The following KCNIP4 variants were observed in gnomAD, a reference collection of about 807,000 sequenced individuals.
KCNIP4 encodes potassium voltage-gated channel interacting protein 4.
KCNIP4 carries 12 observed loss-of-function variants against 34.0 expected under a neutral mutation model. The ratio of observed to expected loss-of-function variants is 0.35; its 90% CI spans 0.23 to 0.57. The LOEUF is 0.57. Ranked by LOEUF, KCNIP4 falls within the 20% of genes least tolerant of loss-of-function variation. The probability of loss-of-function intolerance (pLI) is 0.83; values close to 1 mark genes in which losing one functional copy is unlikely to be tolerated. For missense variants in KCNIP4, 238 were observed against 311.7 expected, an observed-to-expected ratio of 0.76 and a Z score of 1.78; for synonymous variants, 124 against 102.2, an observed-to-expected ratio of 1.21 and a Z score of -1.29.
intron 1 of KCNIP4, among the ~76,000 whole-genome samples, chr4:21,110,595 T>C (rs111685745): frequency 3.0e-4 from 45 of 152,358 alleles, no homozygotes; most frequent in African/African-American, 1.0e-3. Context: ...GGAATGTTTG[T>C]ATTCCTCCAA....
At chr4:21,352,843 T>A (rs1718159069) in intron 1 of KCNIP4, among the ~76,000 whole-genome samples, 1 of 152,188 alleles carries the variant, frequency 6.6e-6, no homozygotes, top group Non-Finnish European at 1.5e-5. Flanking sequence ...GATCCCAGTG[T>A]ACCCAAACTG....
At chr4:21,490,854 G>T (rs764874059) in intron 1 of KCNIP4, among the ~76,000 whole-genome samples, 3 of 152,210 alleles carry the variant, frequency 2.0e-5, no homozygotes, top group Middle Eastern at 3.4e-3. Flanking sequence ...ATGTTAGTGT[G>T]TGTCTGAGTG....
At chr4:21,357,464 A>G (rs1425758091) in intron 1 of KCNIP4, among the ~76,000 whole-genome samples, 1 of 152,204 alleles carries the variant, frequency 6.6e-6, no homozygotes, top group African/African-American at 2.4e-5. Flanking sequence ...ACTTAAACAA[A>G]TTTACAAGAA....
intron 2 of KCNIP4, among the ~76,000 whole-genome samples, chr4:20,865,881 A>G (rs1722828321): frequency 6.6e-6 from 1 of 152,098 alleles, no homozygotes; most frequent in South Asian, 2.1e-4. Flanking sequence ...TGAGATAATG[A>G]ACATGTTAAT....
At position 21,254,607 on chromosome 4, in the gene KCNIP4, C is replaced by T. The variant is rs116097454; in HGVS notation, c.62-371898G>A. ...ACTTTGGACTTTGCCTTACTCTTCC[C>T]TATTTATCATTTTTTGAGCTTTATT... On this transcript the variant is annotated intron_variant, in intron 1 of 8. Coordinates refer to ENST00000382152, the MANE Select transcript of KCNIP4 (RefSeq NM_025221.6). Among the ~76,000 whole-genome samples, 956 of 152,224 alleles carry T rather than the reference C, an allele frequency of 6.3e-3. 8 individuals carry two copies. Among genetic ancestry groups the T allele is most frequent in the Middle Eastern group, 0.031 (9 of 294 alleles).
intron 1 of KCNIP4, among the ~76,000 whole-genome samples, chr4:21,936,129 T>C (rs938065261): frequency 2.0e-5 from 3 of 151,984 alleles, no homozygotes; most frequent in African/African-American, 7.2e-5. Context: ...GATTGAGAGA[T>C]GACAGGGATT....
At chr4:20,915,972 A>G (rs933718107) in intron 1 of KCNIP4, among the ~76,000 whole-genome samples, 1 of 151,514 alleles carries the variant, frequency 6.6e-6, no homozygotes, top group Non-Finnish European at 1.5e-5. Context: ...GCATTCTTAC[A>G]CTCTCCCATT....
intron 1 of KCNIP4, among the ~76,000 whole-genome samples, chr4:21,556,310 A>G (rs896702192): frequency 8.5e-5 from 13 of 152,286 alleles, no homozygotes; most frequent in African/African-American, 2.6e-4. Context: ...TACATGATTC[A>G]GTTAACACTA....
At chr4:21,687,679 G>A (rs1182372415) in intron 1 of KCNIP4, among the ~76,000 whole-genome samples, 1 of 152,136 alleles carries the variant, frequency 6.6e-6, no homozygotes, top group Non-Finnish European at 1.5e-5. Flanking sequence ...TTTTCCTGCT[G>A]TGATGATTAA....
At chr4:21,259,037 T>G (rs1577977248) in intron 1 of KCNIP4, among the ~76,000 whole-genome samples, 1 of 152,332 alleles carries the variant, frequency 6.6e-6, no homozygotes, top group East Asian at 1.9e-4. Context: ...CTATTTTTCG[T>G]ATTTCACAGA....
At chr4:21,358,376 C>T (rs1300853339) in intron 1 of KCNIP4, among the ~76,000 whole-genome samples, 1 of 152,062 alleles carries the variant, frequency 6.6e-6, no homozygotes, top group African/African-American at 2.4e-5. Flanking sequence ...GTCTCTGACA[C>T]TTGTTAAGCA....
chr4:21,673,670 C>T (rs1317915563), intron 1 of KCNIP4, among the ~76,000 whole-genome samples: 5 of 152,040 alleles, frequency 3.3e-5, no homozygotes, highest in Non-Finnish European at 7.4e-5. Context: ...TGTAAAGATG[C>T]AATTATAACT....
intron 1 of KCNIP4, among the ~76,000 whole-genome samples, chr4:21,690,364 T>G (rs569853608): frequency 6.6e-6 from 1 of 152,184 alleles, no homozygotes; most frequent in East Asian, 1.9e-4. Context: ...AAATCTCATG[T>G]TGAAATGTGA....
intron 1 of KCNIP4, chr4:20,984,135 T>C: frequency 2.9e-6 from 2 of 691,114 alleles, no homozygotes; most frequent in South Asian, 4.1e-5. Flanking sequence ...ATCCTGGCAT[T>C]TGGCTGGCGG....
chr4:20,999,445 T>G (rs552386823), intron 1 of KCNIP4, among the ~76,000 whole-genome samples: 1,736 of 119,458 alleles, frequency 0.015, 37 homozygotes, highest in African/African-American at 0.051. Context: ...TTTGTTTTTT[T>G]TTTTTTTTTT....
chr4:21,652,110 T>A (rs1439696890), intron 1 of KCNIP4, among the ~76,000 whole-genome samples: 1 of 152,188 alleles, frequency 6.6e-6, no homozygotes, highest in South Asian at 2.1e-4. Context: ...CCATCTAATC[T>A]TCTGGATGGT....
intron 1 of KCNIP4, among the ~76,000 whole-genome samples, chr4:21,810,604 G>C (rs535069159): frequency 6.7e-6 from 1 of 149,902 alleles, no homozygotes; most frequent in South Asian, 2.1e-4. Context: ...GCAGGAGAAT[G>C]GCATAAACCC....
intron 1 of KCNIP4, among the ~76,000 whole-genome samples, chr4:21,523,513 C>T (rs1027220872): frequency 7.9e-5 from 12 of 151,878 alleles, no homozygotes; most frequent in African/African-American, 2.7e-4. Context: ...TTTCTTTTCT[C>T]GTTTCCTTTT....
intron 1 of KCNIP4, among the ~76,000 whole-genome samples, chr4:21,529,402 C>G (rs1736481247): frequency 6.6e-6 from 1 of 152,150 alleles, no homozygotes; most frequent in African/African-American, 2.4e-5. Flanking sequence ...GGTTAAAGCA[C>G]ACTTCCTCAG....
Sources: allele counts gnomAD v4.1 joint callset (sites outside exome capture counted in the v4.1 genomes callset), GRCh38; gene constraint gnomAD v4.1.1; transcripts MANE v1.5; gene names NCBI Gene and HGNC (gene_info 2026-07-23, HGNC 2026-07-21).